Variants in PCLO observed in about 807,000 individuals in gnomAD.
PCLO encodes piccolo presynaptic cytomatrix protein, also known as protein piccolo.
In PCLO, 82 loss-of-function variants were observed where a neutral mutation model predicts 427.5. That is an observed-to-expected ratio of 0.19 (90% CI 0.16 to 0.23). The LOEUF (loss-of-function observed/expected upper bound fraction) is 0.23. Ranked by LOEUF, PCLO falls within the 10% of genes least tolerant of loss-of-function variation. PCLO has a pLI of 1.00. For synonymous variants in PCLO, 2,357 were observed against 2,155.4 expected (o/e 1.09, Z -2.59); for missense variants, 6,239 against 6,115.9 (o/e 1.02, Z -0.67).
chr7:83,115,841 C>T (rs1229364393), intron 3 of PCLO, among the ~76,000 whole-genome samples: 1 of 151,998 alleles, frequency 6.6e-6, no homozygotes, highest in African/African-American at 2.4e-5. Flanking sequence ...GATTAATACA[C>T]AACACTGTCA....
intron 3 of PCLO, among the ~76,000 whole-genome samples, chr7:83,030,837 T>C (rs1788648845): frequency 6.6e-6 from 1 of 152,196 alleles, no homozygotes; most frequent in Non-Finnish European, 1.5e-5. Flanking sequence ...ATGGCTGGGT[T>C]TATAGAGACT....
chr7:82,927,759 G>A (rs971216281), intron 6 of PCLO, among the ~76,000 whole-genome samples: 14 of 151,900 alleles, frequency 9.2e-5, no homozygotes, highest in Non-Finnish European at 1.9e-4. Context: ...TGTTTACTAG[G>A]CACTTATATT....
At position 82,800,288 on chromosome 7, in the gene PCLO, A is replaced by G. The variant is rs188205429; in HGVS notation, c.15007+1230T>C. Among the ~76,000 whole-genome samples, 19 of 152,314 alleles carry G rather than the reference A, an allele frequency of 1.2e-4. No individual in the cohort carries two copies. The East Asian group carries it at 3.3e-3, about 26-fold the overall frequency. ...TCTGAAGATAGAGAAATTAGGTCAC[A>G]TATCTAATAAAGACCAGAATTGAAA... is the stretch of plus-strand genomic sequence containing the variant. On this transcript the variant is annotated intron_variant, in intron 22 of 24. Coordinates refer to ENST00000333891, the MANE Select transcript of PCLO (RefSeq NM_033026.6).
At chr7:83,080,425 T>C (rs1236235842) in intron 3 of PCLO, among the ~76,000 whole-genome samples, 5 of 152,160 alleles carry the variant, frequency 3.3e-5, no homozygotes, top group South Asian at 4.1e-4. Flanking sequence ...TGTCGTGAGA[T>C]GGTATGTCAT....
intron 21 of PCLO, among the ~76,000 whole-genome samples, chr7:82,805,239 G>T (rs1348673558): frequency 6.6e-6 from 1 of 152,130 alleles, no homozygotes; most frequent in African/African-American, 2.4e-5. Flanking sequence ...TAGTTGAAAA[G>T]TCTGTATGAT....
intron 3 of PCLO, among the ~76,000 whole-genome samples, chr7:83,087,977 C>G (rs1790282425): frequency 1.3e-5 from 2 of 152,094 alleles, no homozygotes; most frequent in African/African-American, 4.8e-5. Flanking sequence ...AAGGCATACT[C>G]TAAATATTAT....
intron 3 of PCLO, among the ~76,000 whole-genome samples, chr7:83,039,149 T>G (rs1169134926): frequency 1.3e-5 from 2 of 152,052 alleles, no homozygotes; most frequent in Non-Finnish European, 2.9e-5. Context: ...GTAAACACTT[T>G]TTCCCATTTT....
intron 3 of PCLO, among the ~76,000 whole-genome samples, chr7:82,971,071 T>C (rs1795892054): frequency 6.6e-6 from 1 of 151,838 alleles, no homozygotes; most frequent in South Asian, 2.1e-4. Context: ...TAAGAAATAT[T>C]GTATTTATAG....
intron 22 of PCLO, among the ~76,000 whole-genome samples, chr7:82,765,890 C>A (rs6953631): frequency 7.6e-5 from 3 of 39,254 alleles, no homozygotes; most frequent in South Asian, 1.5e-3. Flanking sequence ...GAGAAGTTAG[C>A]GGGGGGAGAA....
intron 3 of PCLO, among the ~76,000 whole-genome samples, chr7:83,081,064 C>T (rs1029945238): frequency 6.6e-6 from 1 of 151,916 alleles, no homozygotes; most frequent in Non-Finnish European, 1.5e-5. Context: ...AGTAAAACCA[C>T]TGATAAGGGG....
chr7:82,944,421 A>T (rs1795154748), intron 6 of PCLO, among the ~76,000 whole-genome samples: 1 of 152,112 alleles, frequency 6.6e-6, no homozygotes, highest in South Asian at 2.1e-4. Flanking sequence ...ACAAAAACCC[A>T]TAAATTTTGG....
intron 6 of PCLO, among the ~76,000 whole-genome samples, chr7:82,934,784 T>TACA (rs1022073304): frequency 1.8e-4 from 28 of 151,814 alleles, no homozygotes; most frequent in African/African-American, 6.7e-4. Context: ...AACCATAAAC[T>TACA]ACATTTATTT....
intron 3 of PCLO, among the ~76,000 whole-genome samples, chr7:83,053,744 A>G (rs897656829): frequency 6.6e-6 from 1 of 151,880 alleles, no homozygotes; most frequent in African/African-American, 2.4e-5. Context: ...TCTTCTTTTC[A>G]ATCTAGATAA....
intron 3 of PCLO, among the ~76,000 whole-genome samples, chr7:83,062,696 T>C (rs1451649977): frequency 1.3e-5 from 2 of 152,122 alleles, no homozygotes. Context: ...CTTCTCTGTT[T>C]AAATCTGTGT....
rs1584107372 is a variant in PCLO, at chr7:83,162,844, G to A, written c.-252C>T. 3.8e-6 allele frequency: 2 copies of A among 528,192 alleles called. No individual in the cohort carries two copies. The highest frequency in any genetic ancestry group is 2.6e-5 in the South Asian group (1 of 37,846). 32.7% of individuals were successfully genotyped at this position (528,192 alleles called of 1,614,324 possible). On this transcript the variant is annotated 5_prime_UTR_variant, in exon 1 of 25. Coordinates refer to ENST00000333891, the MANE Select transcript of PCLO (RefSeq NM_033026.6). ...GCAACCTTTGCAGAAGACACCTCCC[G>A]GACGCCGCCTCGGCGCCCCGAGCCG...
Position 82,951,102 on chromosome 7 carries a change from A to T in PCLO, c.9486T>A (p.Ser3162Arg). Residue 3162 changes from serine (S) to arginine (R), a missense_variant, in exon 6 of 25, where the codon AGT becomes AGA. By Grantham distance (110) the Ser-to-Arg change is moderately radical. Transcript: ENST00000333891. ...TDIAVTGIDI[S>R]ASLQTITMES... is the part of the protein sequence containing the mutation. ...CCATAGTAATAGTTTGCAAACTGGC[A>T]CTGATATCAATACCAGTTACTGCAA... 1 of 1,613,808 alleles carries T rather than the reference A, an allele frequency of 6.2e-7. No individual in the cohort carries two copies. The highest frequency in any genetic ancestry group is 8.5e-7 in the Non-Finnish European group (1 of 1,179,800).
chr7:83,103,264 G>T (rs771431250), intron 3 of PCLO, among the ~76,000 whole-genome samples: 4 of 151,780 alleles, frequency 2.6e-5, no homozygotes, highest in Non-Finnish European at 5.9e-5. Flanking sequence ...TACAAAACTG[G>T]TAGGAACTCT....
At chr7:82,793,884 A>T (rs1010062552) in intron 22 of PCLO, among the ~76,000 whole-genome samples, 5 of 152,172 alleles carry the variant, frequency 3.3e-5, no homozygotes, top group African/African-American at 1.2e-4. Context: ...TTGGTGGAGC[A>T]TATCTTCAAG....
intron 22 of PCLO, among the ~76,000 whole-genome samples, chr7:82,791,046 A>G: frequency 6.6e-6 from 1 of 152,204 alleles, no homozygotes; most frequent in East Asian, 1.9e-4. Context: ...TCAAGTGGGC[A>G]CTTTGTGCAA....
Sources: gnomAD v4.1 joint callset for allele counts (sites outside exome capture counted in the v4.1 genomes callset) on GRCh38, gnomAD v4.1.1 for gene constraint, MANE v1.5 for transcripts, NCBI Gene and HGNC (gene_info 2026-07-23, HGNC 2026-07-21) for gene names.